The following ZNF366 variants were observed in gnomAD, a reference collection of about 807,000 sequenced individuals.
The protein encoded by ZNF366 is zinc finger protein 366.
ZNF366 carries 20 observed loss-of-function variants against 47.2 expected under a neutral mutation model. That is an observed-to-expected ratio of 0.42 (90% CI 0.30 to 0.62). ZNF366 has a LOEUF of 0.62. Among genes scored for constraint, ZNF366 ranks in the 20% least tolerant of loss-of-function variants. ZNF366 has a pLI of 0.16. For missense variants in ZNF366, 987 were observed against 976.3 expected (o/e 1.01, Z -0.15); for synonymous variants, 421 against 395.1 (o/e 1.07, Z -0.78).
chr5:72,482,774 G>A (rs1743815246), intron 1 of ZNF366, among the ~76,000 whole-genome samples: 1 of 151,650 alleles, frequency 6.6e-6, no homozygotes, highest in Non-Finnish European at 1.5e-5. Context: ...GTGTGTGTGT[G>A]TGTGTGTGTG....
chr5:72,460,461 A>T lies in ZNF366; in HGVS notation c.1036T>A (p.Phe346Ile). The change falls in exon 2 of 5, where the codon TTT becomes ATT. Residue 346 changes from phenylalanine to isoleucine, a missense_variant. Transcript: ENST00000318442. Reference protein sequence around the residue: ...PHNCRVCGRGFAYPSELKAHE... With the variant: ...PHNCRVCGRGIAYPSELKAHE... ...GCCTTGAGCTCGCTGGGGTAGGCAA[A>T]GCCGCGGCCGCACACGCGGCAGTTG... 1.2e-6 allele frequency: 2 copies of T among 1,613,992 alleles called. No individual in the cohort carries two copies. The highest frequency in any genetic ancestry group is 4.5e-5 in the East Asian group (2 of 44,858).
In ZNF366 at chr5:72,489,224, G is replaced by GA. The variant is rs112819051; in HGVS notation, c.-15+18026dup. The stretch of plus-strand genomic sequence containing the variant: ...GACCCCATCTCAAAAAAGAAATTAA[G>GA]AAAAAAAAAAAGAAATAGTCCACAA... On this transcript the variant is annotated intron_variant, in intron 1 of 4. Coordinates refer to ENST00000318442, the MANE Select transcript of ZNF366 (RefSeq NM_152625.3). Among the ~76,000 whole-genome samples the GA allele has an allele frequency of 6.8e-3, 952 of 140,430 alleles. 11 individuals carry two copies. Among genetic ancestry groups the GA allele is most frequent in the African/African-American group, 0.021 (805 of 38,464 alleles). 92.1% of individuals were successfully genotyped at this position (140,430 alleles called of 152,430 possible).
At chr5:72,459,710 C>T (rs971061838) in intron 2 of ZNF366, among the ~76,000 whole-genome samples, 1 of 152,164 alleles carries the variant, frequency 6.6e-6, no homozygotes, top group Non-Finnish European at 1.5e-5. Flanking sequence ...AGAAAACAAT[C>T]CAAAAAGTTT....
chr5:72,460,073 A>G lies in ZNF366; in HGVS notation c.1332+92T>C, dbSNP rs948412565. 30 of 1,499,920 alleles carry G rather than the reference A, an allele frequency of 2.0e-5. No homozygotes were observed. In the Admixed American group the frequency reaches 5.9e-4, roughly 29 times the overall value. 92.9% of individuals were successfully genotyped at this position (1,499,920 alleles called of 1,614,324 possible). ...CCCACCTCCTCGGGGTAAGGTGCAG[A>G]GCGGCACAGGCGTCCTGCTCCCCAG... On this transcript the variant is annotated intron_variant, in intron 2 of 4. Transcript: ENST00000318442.
At chr5:72,460,058 CGG>C in intron 2 of ZNF366, 105 bp downstream of exon 2, 2 of 1,438,816 alleles carry the variant, frequency 1.4e-6, no homozygotes, top group Non-Finnish European at 1.8e-6. Context: ...CCCACCTCCT[CGG>C]GGTAAGGTGC....
Position 72,449,482 on chromosome 5 carries a change from C to T in ZNF366, c.1525-2065G>A, listed in dbSNP as rs184471576. The stretch of plus-strand genomic sequence containing the variant: ...AAACTCCTGACCTCAAGTGATCCAT[C>T]CGCCTCAGCCTCCCAAAGTGCTGGG... On this transcript the variant is annotated intron_variant, in intron 3 of 4. Transcript: ENST00000318442. Among the ~76,000 whole-genome samples the T allele has an allele frequency of 1.9e-3, 290 of 152,340 alleles. 2 individuals are homozygous for T. The highest frequency in any genetic ancestry group is 6.8e-3 in the Middle Eastern group (2 of 294).
chr5:72,468,295 C>T (rs1329192853), intron 1 of ZNF366, among the ~76,000 whole-genome samples: 1 of 152,160 alleles, frequency 6.6e-6, no homozygotes, highest in Non-Finnish European at 1.5e-5. Context: ...CTGGGCCAGG[C>T]CCCAGGACCC....
Position 72,478,229 on chromosome 5 carries a change from G to A in ZNF366, c.-14-16719C>T, listed in dbSNP as rs1743715428. On this transcript the variant is annotated intron_variant, in intron 1 of 4. Transcript: ENST00000318442. Reference sequence around the variant, plus strand: ...TGCTCTGTGCCAGGCCTTGTGTGGGGGCCCTTCACAGTCACCCATTTCTTC... The same window carrying A: ...TGCTCTGTGCCAGGCCTTGTGTGGGAGCCCTTCACAGTCACCCATTTCTTC... Among the ~76,000 whole-genome samples the A allele has an allele frequency of 6.6e-5, 10 of 152,122 alleles. No individual in the cohort carries two copies. In the South Asian group the frequency reaches 2.1e-3, roughly 32 times the overall value.
chr5:72,442,721 TCTCAG>T lies in ZNF366; in HGVS notation c.*1030_*1034del, dbSNP rs1742881992. ...CCCAGGCTGTAGTGCAGTAGCGTGA[TCTCAG>T]CTCAGCTCACTGCAATCTCCACTGC... is the stretch of plus-strand genomic sequence containing the variant. On this transcript the variant is annotated 3_prime_UTR_variant, in exon 5 of 5. Coordinates refer to ENST00000318442, the MANE Select transcript of ZNF366 (RefSeq NM_152625.3). 6.6e-6 allele frequency: 1 copy of T among 150,956 alleles called. No homozygotes were observed. The highest frequency in any genetic ancestry group is 2.1e-4 in the South Asian group (1 of 4,740). 9.4% of individuals were successfully genotyped at this position (150,956 alleles called of 1,614,324 possible).
intron 1 of ZNF366, among the ~76,000 whole-genome samples, chr5:72,501,144 C>T (rs1744203296): frequency 6.6e-6 from 1 of 152,128 alleles, no homozygotes; most frequent in Admixed American, 6.5e-5. Context: ...TCTGAGGAGG[C>T]CCCAAACCTA....
Position 72,444,259 on chromosome 5 carries a change from T to C in ZNF366, c.1732A>G (p.Thr578Ala). The C allele has an allele frequency of 1.2e-6, 2 of 1,613,154 alleles. No individual in the cohort carries two copies. Among genetic ancestry groups the C allele is most frequent in the Non-Finnish European group, 1.7e-6 (2 of 1,179,828 alleles). Residue 578 changes from threonine (T) to alanine (A), a missense_variant, in exon 5 of 5, where the codon ACA (threonine) becomes GCA (alanine). Coordinates refer to ENST00000318442, the MANE Select transcript of ZNF366 (RefSeq NM_152625.3). ...TCCAGACTCCTCAGGACACCGGCTG[T>C]CTGTGCCAGGGCGATTCTCCCCCTT... ...LGRGRIALAQ[T>A]AGVLRSLEQE...
chr5:72,460,897 C>A lies in ZNF366; in HGVS notation c.600G>T (p.Arg200=). ...GGGGCTGCTTGGGCAGGAAGGTGTG[C>A]CGGCTGAAGGGGAAGGGCGAGGACG... is the stretch of plus-strand genomic sequence containing the variant. ...VPSSSPFPFS[R]HTFLPKQPPE... Residue 200 remains arginine (R), a synonymous_variant, in exon 2 of 5, where the codon CGG becomes CGT. Transcript: ENST00000318442. 3.7e-6 allele frequency: 6 copies of A among 1,613,088 alleles called. No individual in the cohort carries two copies. The highest frequency in any genetic ancestry group is 5.1e-6 in the Non-Finnish European group (6 of 1,179,398).
rs1742846589 is a variant in ZNF366 at position 72,441,002 on chromosome 5, C to A, written c.*2754G>T. ...ATGCTAATGTATAAATCAGATGGAA[C>A]TTGAGCTGCTTGGAGTGAGGTGGGT... On this transcript the variant is annotated 3_prime_UTR_variant, in exon 5 of 5. Coordinates refer to ENST00000318442, the MANE Select transcript of ZNF366 (RefSeq NM_152625.3). The A allele has an allele frequency of 6.6e-6, 1 of 152,186 alleles. No homozygotes were observed. The highest frequency in any genetic ancestry group is 2.4e-5 in the African/African-American group (1 of 41,444). The allele number at this position is 152,186 out of a possible 1,614,324, so 9.4% of individuals were successfully genotyped here.
At chr5:72,454,360 C>A (rs764877814) in intron 3 of ZNF366, among the ~76,000 whole-genome samples, 5 of 152,210 alleles carry the variant, frequency 3.3e-5, no homozygotes, top group African/African-American at 4.8e-5. Flanking sequence ...CTAGAGAGAA[C>A]CCTCTAGATC....
chr5:72,458,727 A>G (rs1743243314), intron 2 of ZNF366, among the ~76,000 whole-genome samples: 1 of 152,226 alleles, frequency 6.6e-6, no homozygotes, highest in Admixed American at 6.5e-5. Flanking sequence ...TGAGAAGTAA[A>G]TGAGGATTAA....
chr5:72,461,384 G>A lies in ZNF366; in HGVS notation c.113C>T (p.Ala38Val), dbSNP rs773554768. The A allele has an allele frequency of 2.9e-5, 47 of 1,613,892 alleles. No individual in the cohort carries two copies. The Admixed American group carries it at 3.0e-4, about 10-fold the overall frequency. ...CLQPVASRGK[A>V]PQRHPFPEAL... is the part of the protein sequence containing the mutation. The stretch of plus-strand genomic sequence containing the variant: ...TTCCGGGAAGGGGTGTCTTTGGGGA[G>A]CCTTTCCCCGAGAAGCCACTGGCTG... The change falls in exon 2 of 5, where the codon GCT (alanine) becomes GTT (valine). Residue 38 changes from alanine to valine, a missense_variant. By Grantham distance (64) the Ala-to-Val change is moderately conservative. Coordinates refer to ENST00000318442, the MANE Select transcript of ZNF366 (RefSeq NM_152625.3).
At chr5:72,468,540 T>G (rs1743481959) in intron 1 of ZNF366, among the ~76,000 whole-genome samples, 1 of 152,220 alleles carries the variant, frequency 6.6e-6, no homozygotes, top group African/African-American at 2.4e-5. Flanking sequence ...AGTTGTGTAT[T>G]GTTTAAATTG....
intron 3 of ZNF366, among the ~76,000 whole-genome samples, chr5:72,452,924 C>T (rs937055763): frequency 3.3e-5 from 5 of 152,164 alleles, no homozygotes; most frequent in African/African-American, 7.2e-5. Context: ...AGTCTACAGG[C>T]GCAGATCTCT....
Position 72,460,846 on chromosome 5 carries a change from G to T in ZNF366, c.651C>A (p.Ala217=). Residue 217 remains alanine (A), a synonymous_variant, in exon 2 of 5, where the codon GCC becomes GCA. Coordinates refer to ENST00000318442, the MANE Select transcript of ZNF366 (RefSeq NM_152625.3). ...QPPEPLLPRK[A]EPQESEETKQ... ...TGGTCTCCTCGCTCTCCTGGGGCTC[G>T]GCTTTCCGGGGCAGCAGAGGTTCCG... is the stretch of plus-strand genomic sequence containing the variant. 5 of 1,614,074 alleles carry T rather than the reference G, an allele frequency of 3.1e-6. No homozygotes were observed. Among genetic ancestry groups the T allele is most frequent in the Non-Finnish European group, 4.2e-6 (5 of 1,179,984 alleles).
Sources: allele counts gnomAD v4.1 joint callset (sites outside exome capture counted in the v4.1 genomes callset), GRCh38; gene constraint gnomAD v4.1.1; transcripts MANE v1.5; gene names NCBI Gene and HGNC (gene_info 2026-07-23, HGNC 2026-07-21).